The following VTI1A variants were observed in gnomAD, a reference collection of about 807,000 sequenced individuals.
VTI1A encodes the protein vesicle transport through interaction with t-SNAREs 1A, also known as vesicle transport through interaction with t-SNAREs homolog 1A.
Under a neutral mutation model 34.9 loss-of-function variants are expected in VTI1A, and 22 were observed. That is an observed-to-expected ratio of 0.63 (90% CI 0.45 to 0.90). VTI1A has a LOEUF of 0.90. VTI1A is among the 40% of genes least tolerant of loss of function. VTI1A has a pLI of 0.00. For synonymous variants in VTI1A, 87 were observed against 97.3 expected (o/e 0.89, Z 0.62); for missense variants, 268 against 275.6 (o/e 0.97, Z 0.20).
chr10:112,571,017 A>G (rs1852097026), intron 5 of VTI1A, among the ~76,000 whole-genome samples: 2 of 152,252 alleles, frequency 1.3e-5, no homozygotes, highest in Non-Finnish European at 1.5e-5. Context: ...TTTATTGAGC[A>G]TCTTCTATGT....
chr10:112,581,695 C>A (rs1242476762), intron 5 of VTI1A, among the ~76,000 whole-genome samples: 1 of 152,156 alleles, frequency 6.6e-6, no homozygotes, highest in Non-Finnish European at 1.5e-5. Context: ...AGATCAGCGA[C>A]AGCATTCCTG....
At chr10:112,478,030 T>C (rs1336564314) in intron 3 of VTI1A, among the ~76,000 whole-genome samples, 1 of 152,216 alleles carries the variant, frequency 6.6e-6, no homozygotes, top group Admixed American at 6.5e-5. Flanking sequence ...TAAAATTTTT[T>C]ACTTTTTTGA....
intron 5 of VTI1A, among the ~76,000 whole-genome samples, chr10:112,574,156 A>C (rs934998043): frequency 6.6e-6 from 1 of 152,238 alleles, no homozygotes; most frequent in Admixed American, 6.5e-5. Context: ...TTTTAAAAAT[A>C]AAATCAAATA....
chr10:112,525,104 T>C (rs1850172660), intron 3 of VTI1A, among the ~76,000 whole-genome samples: 1 of 152,166 alleles, frequency 6.6e-6, no homozygotes, highest in Non-Finnish European at 1.5e-5. Flanking sequence ...TAATATATGC[T>C]GTGTGCGATG....
At chr10:112,515,803 TGTGCTTG>T (rs948084309) in intron 3 of VTI1A, among the ~76,000 whole-genome samples, 1 of 152,068 alleles carries the variant, frequency 6.6e-6, no homozygotes. Context: ...AGGCATACTA[TGTGCTTG>T]GTTTATATTA....
intron 5 of VTI1A, among the ~76,000 whole-genome samples, chr10:112,550,394 T>G (rs1445588561): frequency 6.6e-6 from 1 of 152,210 alleles, no homozygotes; most frequent in African/African-American, 2.4e-5. Flanking sequence ...AACAGAATTT[T>G]TTTGAGATGG....
intron 7 of VTI1A, among the ~76,000 whole-genome samples, chr10:112,795,189 C>A (rs1279713564): frequency 6.6e-6 from 1 of 152,152 alleles, no homozygotes; most frequent in Non-Finnish European, 1.5e-5. Context: ...TCTTTGACAT[C>A]AGATCCGATT....
At chr10:112,697,314 C>T (rs1403496084) in intron 7 of VTI1A, among the ~76,000 whole-genome samples, 1 of 151,730 alleles carries the variant, frequency 6.6e-6, no homozygotes, top group Admixed American at 6.6e-5. Flanking sequence ...TTGCCTCAGC[C>T]TCCCAAGTAG....
intron 7 of VTI1A, among the ~76,000 whole-genome samples, chr10:112,813,014 C>T (rs905012817): frequency 2.0e-5 from 3 of 152,246 alleles, no homozygotes; most frequent in African/African-American, 4.8e-5. Context: ...CACGATCACT[C>T]TTTGGGCAGT....
rs142435408 is a variant in VTI1A, at chr10:112,622,567, G to T, written c.428-45651G>T. On this transcript the variant is annotated intron_variant, in intron 5 of 7. Coordinates refer to ENST00000393077, the MANE Select transcript of VTI1A (RefSeq NM_145206.4). ...ATTAAGGGAAAACCAGGAAATAAGT[G>T]CAGACTGGCCATGTTTCAAAAGAAA... 5.3e-5 allele frequency among the ~76,000 whole-genome samples: 8 copies of T among 151,714 alleles called. No homozygotes were observed. The East Asian group carries it at 9.7e-4, about 18-fold the overall frequency.
At chr10:112,468,891 A>G (rs1564789271) in intron 3 of VTI1A, among the ~76,000 whole-genome samples, 1 of 152,124 alleles carries the variant, frequency 6.6e-6, no homozygotes, top group Non-Finnish European at 1.5e-5. Context: ...CCACTGGGTC[A>G]CTGAGAATTA....
chr10:112,455,832 A>C lies in VTI1A; in HGVS notation c.95-4692A>C, dbSNP rs190778392. On this transcript the variant is annotated intron_variant, in intron 1 of 7. Coordinates refer to ENST00000393077, the MANE Select transcript of VTI1A (RefSeq NM_145206.4). ...TCACAAAATGAATTTTATGAAAAGA[A>C]AATGATCTAATTGTGTTAACTCCAC... Among the ~76,000 whole-genome samples, 6 of 152,266 alleles carry C rather than the reference A, an allele frequency of 3.9e-5. No homozygotes were observed. The East Asian group carries it at 1.2e-3, about 30-fold the overall frequency.
rs1252753259 is a variant in VTI1A at position 112,667,325 on chromosome 10, A to G, written c.428-893A>G. The stretch of plus-strand genomic sequence containing the variant: ...ATTATAAGAGAGGCATCCTTCTAGT[A>G]TGGAGTAAGGCACCTCCCAGGTAAT... On this transcript the variant is annotated intron_variant, in intron 5 of 7. Coordinates refer to ENST00000393077, the MANE Select transcript of VTI1A (RefSeq NM_145206.4). 5.3e-5 allele frequency among the ~76,000 whole-genome samples: 8 copies of G among 152,136 alleles called. No individual in the cohort carries two copies. The East Asian group carries it at 1.2e-3, about 22-fold the overall frequency.
chr10:112,775,103 T>G (rs1851925251), intron 7 of VTI1A, among the ~76,000 whole-genome samples: 1 of 152,214 alleles, frequency 6.6e-6, no homozygotes, highest in South Asian at 2.1e-4. Context: ...GTGACTCTGC[T>G]TAAAGACCAT....
intron 7 of VTI1A, among the ~76,000 whole-genome samples, chr10:112,796,451 G>A (rs1323463121): frequency 2.0e-5 from 3 of 151,718 alleles, no homozygotes; most frequent in Non-Finnish European, 4.4e-5. Context: ...CAAGGGGTGT[G>A]AGAAGGTCTC....
At chr10:112,641,598 G>A (rs1846577102) in intron 5 of VTI1A, among the ~76,000 whole-genome samples, 1 of 152,134 alleles carries the variant, frequency 6.6e-6, no homozygotes, top group South Asian at 2.1e-4. Flanking sequence ...AAGGGTCCCA[G>A]CATCAATTCC....
chr10:112,687,525 G>A (rs770340376), intron 7 of VTI1A, among the ~76,000 whole-genome samples: 29 of 151,788 alleles, frequency 1.9e-4, no homozygotes, highest in Non-Finnish European at 2.5e-4. Context: ...GAGCCACTGC[G>A]CCCGGCAACT....
At chr10:112,779,168 T>C (rs1852040934) in intron 7 of VTI1A, among the ~76,000 whole-genome samples, 1 of 152,190 alleles carries the variant, frequency 6.6e-6, no homozygotes, top group Non-Finnish European at 1.5e-5. Flanking sequence ...TCTTGAGATT[T>C]CCAAGAGTAG....
chr10:112,703,145 A>AT (rs896975715), intron 7 of VTI1A, among the ~76,000 whole-genome samples: 17 of 151,406 alleles, frequency 1.1e-4, no homozygotes, highest in African/African-American at 2.4e-4. Context: ...TACTAGATGT[A>AT]TTTTTTTTTC....
Sources: gnomAD v4.1 joint callset for allele counts (sites outside exome capture counted in the v4.1 genomes callset) on GRCh38, gnomAD v4.1.1 for gene constraint, MANE v1.5 for transcripts, NCBI Gene and HGNC (gene_info 2026-07-23, HGNC 2026-07-21) for gene names.